FNDC3A: variants seen among roughly 807,000 people sequenced by gnomAD.
FNDC3A encodes fibronectin type-III domain-containing protein 3A.
In FNDC3A, 32 loss-of-function variants were observed where a neutral mutation model predicts 148.9. The ratio of observed to expected loss-of-function variants is 0.21; its 90% CI spans 0.16 to 0.29. The LOEUF is 0.29. FNDC3A is among the 10% of genes least tolerant of loss of function. The probability of loss-of-function intolerance (pLI) is 1.00; values close to 1 mark genes in which losing one functional copy is unlikely to be tolerated. For missense variants in FNDC3A, 1,191 were observed against 1,452.8 expected, an observed-to-expected ratio of 0.82 and a Z score of 2.93; for synonymous variants, 472 against 473.6, an observed-to-expected ratio of 1.00 and a Z score of 0.04.
At chr13:48,978,984 T>G (rs1025262757) in intron 1 of FNDC3A, among the ~76,000 whole-genome samples, 1 of 152,228 alleles carries the variant, frequency 6.6e-6, no homozygotes, top group Non-Finnish European at 1.5e-5. Context: ...ATCTTTATTC[T>G]TACCTTTCTG....
At chr13:49,185,296 G>T (rs775487474) in intron 14 of FNDC3A, among the ~76,000 whole-genome samples, 1 of 152,110 alleles carries the variant, frequency 6.6e-6, no homozygotes, top group Non-Finnish European at 1.5e-5. Context: ...GTTTCTGTGG[G>T]TCAGGAATTG....
intron 13 of FNDC3A, among the ~76,000 whole-genome samples, chr13:49,176,079 G>A (rs1055722464): frequency 2.0e-5 from 3 of 152,162 alleles, no homozygotes; most frequent in African/African-American, 7.2e-5. Context: ...ATGTGCTGCT[G>A]GATTCAATTT....
At chr13:48,996,726 T>G (rs1262158402) in intron 1 of FNDC3A, among the ~76,000 whole-genome samples, 1 of 152,072 alleles carries the variant, frequency 6.6e-6, no homozygotes, top group African/African-American at 2.4e-5. Context: ...AGACATACAG[T>G]TTTTAGTTTG....
intron 17 of FNDC3A, among the ~76,000 whole-genome samples, chr13:49,189,902 T>C (rs1029534866): frequency 1.8e-4 from 28 of 152,298 alleles, no homozygotes; most frequent in African/African-American, 6.7e-4. Context: ...CATTGTTTTT[T>C]TTGAGACAGA....
chr13:49,158,911 T>A (rs1236278262), intron 8 of FNDC3A, among the ~76,000 whole-genome samples: 4 of 152,256 alleles, frequency 2.6e-5, no homozygotes, highest in Admixed American at 6.5e-5. Context: ...GTCAGGTTTG[T>A]CAAAGATCAG....
At chr13:49,165,285 T>C (rs1224307869) in intron 8 of FNDC3A, among the ~76,000 whole-genome samples, 1 of 152,246 alleles carries the variant, frequency 6.6e-6, no homozygotes, top group Non-Finnish European at 1.5e-5. Flanking sequence ...GCATCTGGTA[T>C]AGCAGTCACT....
At position 49,096,450 on chromosome 13, in the gene FNDC3A, T is replaced by G. The variant is rs75374258; in HGVS notation, c.176-18205T>G. ...GTCTTTGACATTCCCTTTTGCTTTA[T>G]CATGTAATCCTTCGATATTTTTGGA... is the stretch of plus-strand genomic sequence containing the variant. On this transcript the variant is annotated intron_variant, in intron 3 of 25. Coordinates refer to ENST00000492622, the MANE Select transcript of FNDC3A (RefSeq NM_001079673.2). Among the ~76,000 whole-genome samples the G allele has an allele frequency of 2.6e-3, 397 of 152,298 alleles. 9 individuals are homozygous for G. The East Asian group carries it at 0.042, about 16-fold the overall frequency.
At chr13:49,054,041 C>G (rs1395241869) in intron 2 of FNDC3A, among the ~76,000 whole-genome samples, 1 of 152,106 alleles carries the variant, frequency 6.6e-6, no homozygotes, top group Non-Finnish European at 1.5e-5. Context: ...CTTAGGATCT[C>G]TATTTTAATG....
At chr13:49,084,676 AG>A (rs1878689837) in intron 3 of FNDC3A, among the ~76,000 whole-genome samples, 1 of 152,082 alleles carries the variant, frequency 6.6e-6, no homozygotes, top group Non-Finnish European at 1.5e-5. Context: ...GGGGAAGACA[AG>A]AACCTAATTA....
intron 2 of FNDC3A, among the ~76,000 whole-genome samples, chr13:49,051,010 G>T (rs1875801212): frequency 6.6e-6 from 1 of 152,066 alleles, no homozygotes; most frequent in African/African-American, 2.4e-5. Flanking sequence ...GTCTTTTTCA[G>T]CCCCTTTACC....
intron 2 of FNDC3A, among the ~76,000 whole-genome samples, chr13:49,072,700 T>C (rs1484403980): frequency 6.6e-6 from 1 of 152,064 alleles, no homozygotes; most frequent in Non-Finnish European, 1.5e-5. Flanking sequence ...CCCAGGCTGG[T>C]CTCAAACTCC....
At chr13:49,033,842 C>T (rs1874304519) in intron 2 of FNDC3A, among the ~76,000 whole-genome samples, 1 of 151,722 alleles carries the variant, frequency 6.6e-6, no homozygotes, top group African/African-American at 2.4e-5. Context: ...ACAGATTTAC[C>T]AGTTTTAGAG....
intron 1 of FNDC3A, among the ~76,000 whole-genome samples, chr13:49,001,940 C>T (rs1482123244): frequency 6.6e-6 from 1 of 152,128 alleles, no homozygotes; most frequent in Non-Finnish European, 1.5e-5. Context: ...TTGTACGCTC[C>T]CTCCCCTTTT....
intron 1 of FNDC3A, among the ~76,000 whole-genome samples, chr13:48,997,027 C>T (rs1952036704): frequency 6.6e-6 from 1 of 150,982 alleles, no homozygotes; most frequent in Non-Finnish European, 1.5e-5. Flanking sequence ...CGCACCATTG[C>T]ACTCCAGCTT....
chr13:49,187,375 CA>C (rs1187865073), intron 16 of FNDC3A, 185 bp downstream of exon 16: 6 of 833,450 alleles, frequency 7.2e-6, no homozygotes, highest in Non-Finnish European at 1.2e-5. Flanking sequence ...AGTTTATTGA[CA>C]AACATATCTA....
chr13:49,056,159 C>A (rs563107770), intron 2 of FNDC3A, among the ~76,000 whole-genome samples: 1 of 151,900 alleles, frequency 6.6e-6, no homozygotes, highest in South Asian at 2.1e-4. Flanking sequence ...TGCACTCCAG[C>A]CTGGGCATCA....
rs1886315240 is a variant in FNDC3A at position 49,199,352 on chromosome 13, A to G, written c.2987+778A>G. On this transcript the variant is annotated intron_variant, in intron 23 of 25. Coordinates refer to ENST00000492622, the MANE Select transcript of FNDC3A (RefSeq NM_001079673.2). The stretch of plus-strand genomic sequence containing the variant: ...AATTTTTTTTTTTTTTTTTTTTGAG[A>G]CGGAGTCTCACTCTCACCAGGCTGG... 2.9e-5 allele frequency among the ~76,000 whole-genome samples: 4 copies of G among 137,688 alleles called. No individual in the cohort carries two copies. The South Asian group carries it at 9.0e-4, about 31-fold the overall frequency. 90.3% of individuals were successfully genotyped at this position (137,688 alleles called of 152,430 possible).
intron 2 of FNDC3A, among the ~76,000 whole-genome samples, chr13:49,027,674 G>A (rs1457138349): frequency 1.3e-5 from 2 of 151,760 alleles, no homozygotes; most frequent in African/African-American, 2.4e-5. Context: ...AATCCCCAGG[G>A]CATCTACTAA....
intron 3 of FNDC3A, among the ~76,000 whole-genome samples, chr13:49,106,745 C>CTA (rs1880200856): frequency 8.9e-6 from 1 of 112,300 alleles, no homozygotes; most frequent in Non-Finnish European, 1.7e-5. Flanking sequence ...TGTAGATAAT[C>CTA]TATATATGTT....
Sources: allele counts gnomAD v4.1 joint callset (sites outside exome capture counted in the v4.1 genomes callset), GRCh38; gene constraint gnomAD v4.1.1; transcripts MANE v1.5; gene names NCBI Gene and HGNC (gene_info 2026-07-23, HGNC 2026-07-21).